Variants in ZBTB7C observed in about 807,000 individuals in gnomAD.
ZBTB7C encodes the protein zinc finger and BTB domain-containing protein 7C.
A neutral mutation model predicts 25.7 loss-of-function variants in ZBTB7C; 8 were observed. The ratio of observed to expected loss-of-function variants is 0.31; its 90% confidence interval spans 0.18 to 0.56. ZBTB7C has a LOEUF of 0.56. Among genes scored for constraint, ZBTB7C ranks in the 20% least tolerant of loss-of-function variants. ZBTB7C has a pLI of 0.91. For synonymous variants in ZBTB7C, 394 were observed against 369.0 expected (o/e 1.07, Z -0.78); for missense variants, 824 against 855.2 (o/e 0.96, Z 0.46).
intron 2 of ZBTB7C, among the ~76,000 whole-genome samples, chr18:48,334,356 G>A (rs2046411828): frequency 6.6e-6 from 1 of 152,166 alleles, no homozygotes; most frequent in South Asian, 2.1e-4. Flanking sequence ...CCTAGGGGGA[G>A]CACCTCATGG....
chr18:48,344,467 C>T (rs1446884490), intron 1 of ZBTB7C, among the ~76,000 whole-genome samples: 1 of 151,904 alleles, frequency 6.6e-6, no homozygotes, highest in Non-Finnish European at 1.5e-5. Flanking sequence ...AGCCAGGCTG[C>T]AGAGTGGAGG....
chr18:48,186,567 C>T (rs963256094), intron 2 of ZBTB7C, among the ~76,000 whole-genome samples: 2 of 152,138 alleles, frequency 1.3e-5, no homozygotes, highest in South Asian at 2.1e-4. Context: ...CAGGAACGTT[C>T]GGGGCGGGAG....
At chr18:48,186,113 C>T (rs1389488076) in intron 2 of ZBTB7C, 118 bp from the exon 3 acceptor site, 1 of 152,550 alleles carries the variant, frequency 6.6e-6, no homozygotes, top group Non-Finnish European at 1.5e-5. Flanking sequence ...CCCAGCAGCA[C>T]TCTCCCCTCC....
chr18:48,337,222 C>T lies in ZBTB7C; in HGVS notation c.-79+952G>A, dbSNP rs111897370. 4.1e-3 allele frequency among the ~76,000 whole-genome samples: 619 copies of T among 152,338 alleles called. 2 individuals carry two copies. Among genetic ancestry groups the T allele is most frequent in the African/African-American group, 0.014 (579 of 41,586 alleles). On this transcript the variant is annotated intron_variant, in intron 2 of 4. Coordinates refer to ENST00000590800, the MANE Select transcript of ZBTB7C (RefSeq NM_001318841.2). ...AAGGAATTTACCACACCCTCTTGGG[C>T]CTCCTGCCCCAGGCCACTGGCCCTT...
chr18:48,284,765 T>G (rs1052499143), intron 2 of ZBTB7C, among the ~76,000 whole-genome samples: 1 of 124,910 alleles, frequency 8.0e-6, no homozygotes, highest in African/African-American at 3.2e-5. Flanking sequence ...CACTCCAGCC[T>G]AGGAAACAGA....
At chr18:48,329,739 G>A (rs969807195) in intron 2 of ZBTB7C, among the ~76,000 whole-genome samples, 7 of 152,210 alleles carry the variant, frequency 4.6e-5, no homozygotes, top group Admixed American at 4.6e-4. Flanking sequence ...GGGTCAGTAA[G>A]ACAGGCAATC....
intron 2 of ZBTB7C, among the ~76,000 whole-genome samples, chr18:48,204,471 G>C (rs1286899958): frequency 6.6e-6 from 1 of 152,140 alleles, no homozygotes; most frequent in Non-Finnish European, 1.5e-5. Flanking sequence ...TGGGAGACAA[G>C]GCCCATGCAG....
chr18:48,029,442 C>T lies in ZBTB7C; in HGVS notation c.1678G>A (p.Gly560Arg), dbSNP rs1318729046. The T allele has an allele frequency of 6.3e-7, 1 of 1,594,586 alleles. No individual in the cohort carries two copies. Among genetic ancestry groups the T allele is most frequent in the Admixed American group, 1.7e-5 (1 of 58,912 alleles). ...CTCTCAGCCTCCAGCTGCGCGCGCC[C>T]GAACAGCTTCATCTGTGTCTCCTCG... Reference protein sequence around the residue: ...QFEETQMKLFGRAQLEAERNA... With the variant: ...QFEETQMKLFRRAQLEAERNA... Residue 560 changes from glycine to arginine, a missense_variant, in exon 5 of 5, where the codon GGG becomes AGG. By Grantham distance (125) the Gly-to-Arg change is moderately radical (BLOSUM62 -2). Coordinates refer to ENST00000590800, the MANE Select transcript of ZBTB7C (RefSeq NM_001318841.2).
chr18:48,206,630 A>C lies in ZBTB7C; in HGVS notation c.-78-20635T>G, dbSNP rs2042582405. On this transcript the variant is annotated intron_variant, in intron 2 of 4. Coordinates refer to ENST00000590800, the MANE Select transcript of ZBTB7C (RefSeq NM_001318841.2). ...AGCTGTGATCTCACCACTGCATTCC[A>C]GCCTGGGTAACAGAGCAAGATAATA... Among the ~76,000 whole-genome samples the C allele has an allele frequency of 2.0e-5, 3 of 152,224 alleles. No individual in the cohort carries two copies. The South Asian group carries it at 6.2e-4, about 31-fold the overall frequency.
chr18:48,046,568 T>A (rs1469624431), intron 3 of ZBTB7C, among the ~76,000 whole-genome samples: 1 of 152,238 alleles, frequency 6.6e-6, no homozygotes, highest in Non-Finnish European at 1.5e-5. Context: ...TTTAAAATGC[T>A]TTTCAGGGAA....
chr18:48,271,306 G>T (rs1359108928), intron 2 of ZBTB7C, among the ~76,000 whole-genome samples: 1 of 151,960 alleles, frequency 6.6e-6, no homozygotes, highest in Non-Finnish European at 1.5e-5. Context: ...TTGTTGACTA[G>T]GCTCACTTAT....
intron 3 of ZBTB7C, among the ~76,000 whole-genome samples, chr18:48,079,524 T>C (rs1017902818): frequency 6.6e-6 from 1 of 152,132 alleles, no homozygotes; most frequent in African/African-American, 2.4e-5. Context: ...AGTGGGATCG[T>C]GGGGTACTGG....
intron 1 of ZBTB7C, among the ~76,000 whole-genome samples, chr18:48,391,016 C>T (rs1369242225): frequency 6.6e-6 from 1 of 152,214 alleles, no homozygotes; most frequent in Admixed American, 6.5e-5. Flanking sequence ...TGGACTCCAA[C>T]CCTCCTTCTG....
chr18:48,197,368 T>G (rs906690416), intron 2 of ZBTB7C, among the ~76,000 whole-genome samples: 1 of 152,156 alleles, frequency 6.6e-6, no homozygotes, highest in Admixed American at 6.5e-5. Flanking sequence ...TTTTACAAAA[T>G]CAAAAATAAT....
At chr18:48,406,040 T>A (rs1337387198) in intron 1 of ZBTB7C, among the ~76,000 whole-genome samples, 3 of 152,166 alleles carry the variant, frequency 2.0e-5, no homozygotes, top group Non-Finnish European at 2.9e-5. Flanking sequence ...AAGTCACTGC[T>A]ATAGATGGTT....
chr18:48,162,574 A>G (rs749803904), intron 3 of ZBTB7C, among the ~76,000 whole-genome samples: 11 of 152,260 alleles, frequency 7.2e-5, no homozygotes, highest in East Asian at 1.9e-4. Flanking sequence ...AGCACCTCCT[A>G]TGCACGAGGG....
At chr18:48,193,490 A>G (rs751693035) in intron 2 of ZBTB7C, among the ~76,000 whole-genome samples, 4 of 152,212 alleles carry the variant, frequency 2.6e-5, no homozygotes, top group Non-Finnish European at 5.9e-5. Context: ...AAACCTGATT[A>G]TAAGCCCCTT....
intron 4 of ZBTB7C, among the ~76,000 whole-genome samples, chr18:48,038,546 T>G (rs984194322): frequency 1.7e-4 from 25 of 150,342 alleles, no homozygotes; most frequent in Non-Finnish European, 3.1e-4. Flanking sequence ...AGAGGACTCA[T>G]CTTTTTTTTT....
At chr18:48,361,486 A>G (rs566832205) in intron 1 of ZBTB7C, among the ~76,000 whole-genome samples, 1 of 152,292 alleles carries the variant, frequency 6.6e-6, no homozygotes, top group Admixed American at 6.5e-5. Flanking sequence ...CTTTTATTTG[A>G]CATTGCCAAA....
Sources: allele counts gnomAD v4.1 joint callset (sites outside exome capture counted in the v4.1 genomes callset), GRCh38; gene constraint gnomAD v4.1.1; transcripts MANE v1.5; gene names NCBI Gene and HGNC (gene_info 2026-07-23, HGNC 2026-07-21).